ADPGK: variants seen among roughly 807,000 people sequenced by gnomAD.
ADPGK encodes ADP dependent glucokinase, also known as ADP-dependent glucokinase.
In ADPGK, 26 loss-of-function variants were observed where a neutral mutation model predicts 42.4. That is an observed-to-expected ratio of 0.61 (90% CI 0.45 to 0.85). The LOEUF is 0.85. ADPGK is among the 40% of genes least tolerant of loss of function. ADPGK has a pLI of 0.00. For missense variants in ADPGK, 571 were observed against 627.0 expected, an observed-to-expected ratio of 0.91 and a Z score of 0.95; for synonymous variants, 267 against 252.6, an observed-to-expected ratio of 1.06 and a Z score of -0.54.
intron 1 of ADPGK, 34 bp from the exon 2 acceptor site, chr15:72,775,131 A>G (rs751626369): frequency 6.4e-7 from 1 of 1,564,200 alleles, no homozygotes; most frequent in Non-Finnish European, 8.8e-7. Context: ...TGAAAGCAGC[A>G]GAAGCACCAA....
chr15:72,752,698 G>A lies in ADPGK; in HGVS notation c.1137C>T (p.Ile379=). ...TGTGGTAGACCAGCGTGTGGAAATGGATCCTGGTGAGATCCGAGGCTCTGC... is the reference window on the plus strand; with the variant it reads ...TGTGGTAGACCAGCGTGTGGAAATGAATCCTGGTGAGATCCGAGGCTCTGC... ...SKSRASDLTR[I]HFHTLVYHIL... The change falls in exon 7 of 7, where the codon ATC becomes ATT. Residue 379 remains isoleucine, a synonymous_variant. Transcript: ENST00000456471. 6.2e-7 allele frequency: 1 copy of A among 1,614,222 alleles called. No homozygotes were observed. The highest frequency in any genetic ancestry group is 8.5e-7 in the Non-Finnish European group (1 of 1,180,046).
intron 3 of ADPGK, among the ~76,000 whole-genome samples, chr15:72,768,696 G>T (rs1315338254): frequency 6.6e-6 from 1 of 151,952 alleles, no homozygotes; most frequent in East Asian, 1.9e-4. Context: ...GAGAAGATAG[G>T]TGTGGTGGCT....
At chr15:72,781,208 G>T (rs986427177) in intron 1 of ADPGK, among the ~76,000 whole-genome samples, 1 of 152,132 alleles carries the variant, frequency 6.6e-6, no homozygotes, top group African/African-American at 2.4e-5. Context: ...AAACAGTTTA[G>T]AACCACTGCT....
intron 1 of ADPGK, 73 bp from the exon 2 acceptor site, chr15:72,775,170 A>G (rs2066376623): frequency 7.7e-7 from 1 of 1,303,900 alleles, no homozygotes; most frequent in South Asian, 1.2e-5. Flanking sequence ...ACAAAAGGAA[A>G]ATGTTTCTCA....
intron 1 of ADPGK, among the ~76,000 whole-genome samples, chr15:72,776,893 C>T (rs1328465239): frequency 1.3e-5 from 2 of 152,150 alleles, no homozygotes; most frequent in African/African-American, 2.4e-5. Flanking sequence ...GAAGCATAAC[C>T]TAAGATTTAC....
At position 72,752,652 on chromosome 15, in the gene ADPGK, G is replaced by A. The variant is rs2066061786; in HGVS notation, c.1183C>T (p.His395Tyr). ...ACGGCTGCCAGCTGGTTGGCCCAGT[G>A]TCCATCCACAGTTGCCAGGATGTGG... ...VYHILATVDGHWANQLAAVAA... is the reference protein window; with the variant it reads ...VYHILATVDGYWANQLAAVAA... Residue 395 changes from histidine to tyrosine, a missense_variant, in exon 7 of 7, where the codon CAC (histidine) becomes TAC (tyrosine). Coordinates refer to ENST00000456471, the MANE Select transcript of ADPGK (RefSeq NM_001365225.1). The A allele has an allele frequency of 6.2e-7, 1 of 1,614,092 alleles. No individual in the cohort carries two copies. The highest frequency in any genetic ancestry group is 8.5e-7 in the Non-Finnish European group (1 of 1,180,050).
chr15:72,756,609 G>T, intron 4 of ADPGK, 162 bp from the exon 5 acceptor site: 1 of 715,926 alleles, frequency 1.4e-6, no homozygotes, highest in Non-Finnish European at 2.3e-6. Context: ...GCATGGCACT[G>T]CAAGAAACAA....
intron 2 of ADPGK, among the ~76,000 whole-genome samples, chr15:72,774,621 C>G (rs1195504764): frequency 6.6e-6 from 1 of 152,108 alleles, no homozygotes; most frequent in Non-Finnish European, 1.5e-5. Flanking sequence ...TTCTTGGGTC[C>G]CATCCCACAT....
At chr15:72,759,772 C>T (rs1318263388) in intron 4 of ADPGK, among the ~76,000 whole-genome samples, 5 of 152,106 alleles carry the variant, frequency 3.3e-5, no homozygotes, top group Admixed American at 3.3e-4. Flanking sequence ...CAAAGTATGT[C>T]CAAGTATTTA....
chr15:72,752,951 G>A lies in ADPGK; in HGVS notation c.940-56C>T, dbSNP rs1417164704. On this transcript the variant is annotated intron_variant, in intron 6 of 6. Transcript: ENST00000456471. ...ATGGAGATAACCTGGCTCCTAAGAT[G>A]TCTTATGACACAGCCAGTGACTAAA... 10 of 1,501,234 alleles carry A rather than the reference G, an allele frequency of 6.7e-6. No homozygotes were observed. In the Admixed American group the frequency reaches 1.9e-4, roughly 29 times the overall value. 93.0% of individuals were successfully genotyped at this position (1,501,234 alleles called of 1,614,324 possible). A position where few individuals can be genotyped will look rare whatever the true frequency, so the allele number is the denominator to read the frequency against.
chr15:72,758,429 G>A (rs1434345107), intron 4 of ADPGK: 2 of 435,024 alleles, frequency 4.6e-6, no homozygotes, highest in South Asian at 2.6e-5. Context: ...GAGAGAATGT[G>A]GAAAAAAAAA....
At chr15:72,783,344 G>A in intron 1 of ADPGK, 115 bp downstream of exon 1, 2 of 1,291,488 alleles carry the variant, frequency 1.5e-6, no homozygotes, top group Admixed American at 4.2e-5. Flanking sequence ...CAAGGGGCCA[G>A]CGCGGACAGC....
chr15:72,780,883 T>A (rs1241140425), intron 1 of ADPGK, among the ~76,000 whole-genome samples: 3 of 152,216 alleles, frequency 2.0e-5, no homozygotes, highest in Non-Finnish European at 4.4e-5. Context: ...AGGTTATCTC[T>A]CAAATCTCAC....
At chr15:72,781,841 G>A (rs866329734) in intron 1 of ADPGK, among the ~76,000 whole-genome samples, 1 of 152,212 alleles carries the variant, frequency 6.6e-6, no homozygotes, top group East Asian at 1.9e-4. Context: ...GGCCTTTAAG[G>A]AAGTAGTTAA....
intron 3 of ADPGK, among the ~76,000 whole-genome samples, chr15:72,769,182 G>T (rs1018875866): frequency 3.9e-5 from 6 of 152,104 alleles, no homozygotes; most frequent in African/African-American, 1.4e-4. Context: ...AACAAAGTAA[G>T]CTTTATCCTA....
Position 72,755,693 on chromosome 15 carries a change from G to A in ADPGK, c.841-39C>T, listed in dbSNP as rs1480196435. 5 of 1,476,918 alleles carry A rather than the reference G, an allele frequency of 3.4e-6. No homozygotes were observed. In the Admixed American group the frequency reaches 8.6e-5, roughly 25 times the overall value. 91.5% of individuals were successfully genotyped at this position (1,476,918 alleles called of 1,614,324 possible). A position where few individuals can be genotyped will look rare whatever the true frequency, so the allele number is the denominator to read the frequency against. On this transcript the variant is annotated intron_variant, in intron 5 of 6. Transcript: ENST00000456471. Reference sequence around the variant, plus strand: ...AAGATAAGCACTGCCATTAGAAATAGAAGGAAGTCAAGAAAGAGGGAAGAA... The same window carrying A: ...AAGATAAGCACTGCCATTAGAAATAAAAGGAAGTCAAGAAAGAGGGAAGAA...
chr15:72,756,481 A>G, intron 4 of ADPGK, 34 bp from the exon 5 acceptor site: 1 of 1,611,744 alleles, frequency 6.2e-7, no homozygotes, highest in Non-Finnish European at 8.5e-7. Flanking sequence ...TGGGAAGAAA[A>G]GGAAGAGGCT....
At chr15:72,782,517 A>C (rs1312229894) in intron 1 of ADPGK, among the ~76,000 whole-genome samples, 3 of 80,794 alleles carry the variant, frequency 3.7e-5, no homozygotes, top group Non-Finnish European at 6.5e-5. Context: ...AGAGAGAGAG[A>C]CCCTGTGTCC....
rs947781614 is a variant in ADPGK, at chr15:72,760,454, G to A, written c.596C>T (p.Ser199Leu). 1 of 1,610,670 alleles carries A rather than the reference G, an allele frequency of 6.2e-7. No homozygotes were observed. Among genetic ancestry groups the A allele is most frequent in the African/African-American group, 1.3e-5 (1 of 74,868 alleles). The change falls in exon 4 of 7, where the codon TCA (serine) becomes TTA (leucine). Residue 199 changes from serine (S) to leucine (L), a missense_variant. Ser to Leu is a moderately radical substitution (Grantham distance 145). This residue lies in a region of ADPGK where 434 missense variants were observed against 522.7 expected (regional missense o/e 0.83). Coordinates refer to ENST00000456471, the MANE Select transcript of ADPGK (RefSeq NM_001365225.1). Reference protein sequence around the residue: ...LDDNVFVPPESLQEVDEFHLI... With the variant: ...LDDNVFVPPELLQEVDEFHLI... ...GTGGAACTCATCCACTTCCTGCAAT[G>A]ACTCTGGTGGAACAAAGACATTGTC... is the stretch of plus-strand genomic sequence containing the variant.
Sources: gnomAD v4.1 joint callset for allele counts (sites outside exome capture counted in the v4.1 genomes callset) on GRCh38, gnomAD v4.1.1 for gene constraint, gnomAD v4.1.1 regional missense constraint, MANE v1.5 for transcripts, NCBI Gene and HGNC (gene_info 2026-07-23, HGNC 2026-07-21) for gene names.